Variants in KCNE2 observed in about 807,000 individuals in gnomAD.
KCNE2 encodes potassium voltage-gated channel subfamily E member 2.
KCNE2 carries 4 observed loss-of-function variants against 4.5 expected under a neutral mutation model. The ratio of observed to expected loss-of-function variants is 0.89; its 90% CI spans 0.44 to 2.03. The LOEUF is 2.03. Ranked by LOEUF, KCNE2 falls within the 30% of genes most tolerant of loss-of-function variation. The probability of loss-of-function intolerance (pLI) is 0.03; values close to 1 mark genes in which losing one functional copy is unlikely to be tolerated. For synonymous variants in KCNE2, 57 were observed against 55.9 expected, an observed-to-expected ratio of 1.02 and a Z score of -0.09; for missense variants, 137 against 151.4, an observed-to-expected ratio of 0.90 and a Z score of 0.50.
chr21:34,370,727 C>A lies in KCNE2; in HGVS notation c.249C>A (p.Pro83=). 1.2e-6 allele frequency: 2 copies of A among 1,614,162 alleles called. No homozygotes were observed. The highest frequency in any genetic ancestry group is 1.7e-6 in the Non-Finnish European group (2 of 1,180,020). ...AGAGACGGGAACACTCCAATGACCC[C>A]TACCACCAGTACATTGTAGAGGACT... ...KSKRREHSND[P]YHQYIVEDWQ... is the part of the protein sequence containing the mutation. Residue 83 remains proline (P), a synonymous_variant, in exon 2 of 2, where the codon CCC becomes CCA. Transcript: ENST00000290310.
At chr21:34,367,486 T>C (rs1979359980) in intron 1 of KCNE2, among the ~76,000 whole-genome samples, 2 of 152,174 alleles carry the variant, frequency 1.3e-5, no homozygotes, top group Non-Finnish European at 2.9e-5. Context: ...ATCTTATCTA[T>C]TTGTTAAGTT....
At chr21:34,367,873 T>C (rs1461145184) in intron 1 of KCNE2, among the ~76,000 whole-genome samples, 1 of 152,118 alleles carries the variant, frequency 6.6e-6, no homozygotes, top group East Asian at 1.9e-4. Flanking sequence ...CCTGTGCTCC[T>C]TCTAGCTGTG....
Position 34,370,838 on chromosome 21 carries a change from A to C in KCNE2, c.360A>C (p.Lys120Asn). The C allele has an allele frequency of 6.2e-7, 1 of 1,614,030 alleles. No homozygotes were observed. The highest frequency in any genetic ancestry group is 8.5e-7 in the Non-Finnish European group (1 of 1,180,042). Residue 120 changes from lysine (K) to asparagine (N), a missense_variant, in exon 2 of 2, where the codon AAA becomes AAC. Lys to Asn is a moderately conservative substitution (Grantham distance 94). Coordinates refer to ENST00000290310, the MANE Select transcript of KCNE2 (RefSeq NM_172201.2). ...IHENIGAAGF[K>N]MSP ...AGAACATTGGTGCGGCTGGGTTCAA[A>C]ATGTCCCCCTGATAAGGGAGAAAGG...
At chr21:34,367,514 C>G (rs1427158558) in intron 1 of KCNE2, among the ~76,000 whole-genome samples, 1 of 152,110 alleles carries the variant, frequency 6.6e-6, no homozygotes, top group Non-Finnish European at 1.5e-5. Context: ...AACCCACTAG[C>G]CTGTGTGGCC....
chr21:34,370,209 T>C (rs1051472996), intron 1 of KCNE2, among the ~76,000 whole-genome samples: 1 of 152,228 alleles, frequency 6.6e-6, no homozygotes, highest in Non-Finnish European at 1.5e-5. Context: ...CATGCATATA[T>C]AAATATCAAA....
At chr21:34,364,611 A>T (rs976161514) in intron 1 of KCNE2, among the ~76,000 whole-genome samples, 4 of 152,066 alleles carry the variant, frequency 2.6e-5, no homozygotes, top group African/African-American at 4.8e-5. Context: ...CTCTACTAAA[A>T]ATACAAAAAA....
chr21:34,371,034 T>C lies in KCNE2; in HGVS notation c.*184T>C, dbSNP rs1317776043. On this transcript the variant is annotated 3_prime_UTR_variant, in exon 2 of 2. Transcript: ENST00000290310. ...ATGACATTTCAATCTCAGTGATTTATGCTTGCTTGTTGGAGCAATATTTTG... is the reference window on the plus strand; with the variant it reads ...ATGACATTTCAATCTCAGTGATTTACGCTTGCTTGTTGGAGCAATATTTTG... 1.4e-6 allele frequency: 1 copy of C among 739,218 alleles called. No homozygotes were observed. Among genetic ancestry groups the C allele is most frequent in the African/African-American group, 1.8e-5 (1 of 56,534 alleles). 45.8% of individuals were successfully genotyped at this position (739,218 alleles called of 1,614,324 possible).
chr21:34,364,521 G>A (rs987379603), intron 1 of KCNE2, among the ~76,000 whole-genome samples: 1 of 152,176 alleles, frequency 6.6e-6, no homozygotes, highest in African/African-American at 2.4e-5. Context: ...TGTAATCCCA[G>A]CACTTTGAGA....
At position 34,370,832 on chromosome 21, in the gene KCNE2, G is replaced by C. The variant is rs187917779; in HGVS notation, c.354G>C (p.Gly118=). The C allele has an allele frequency of 6.2e-7, 1 of 1,613,916 alleles. No individual in the cohort carries two copies. Reference sequence around the variant, plus strand: ...TCCATGAGAACATTGGTGCGGCTGGGTTCAAAATGTCCCCCTGATAAGGGA... The same window carrying C: ...TCCATGAGAACATTGGTGCGGCTGGCTTCAAAATGTCCCCCTGATAAGGGA... ...ATIHENIGAA[G]FKMSP Residue 118 remains glycine (G), a synonymous_variant, in exon 2 of 2, where the codon GGG becomes GGC. Coordinates refer to ENST00000290310, the MANE Select transcript of KCNE2 (RefSeq NM_172201.2).
chr21:34,368,229 A>ACT lies in KCNE2; in HGVS notation c.-12-2238_-12-2237insCT, dbSNP rs781775671. On this transcript the variant is annotated intron_variant, in intron 1 of 1. Coordinates refer to ENST00000290310, the MANE Select transcript of KCNE2 (RefSeq NM_172201.2). ...CACACACACACACACACACACACAC[A>ACT]ATATATATATATATATATATATATA... 2.7e-3 allele frequency among the ~76,000 whole-genome samples: 228 copies of ACT among 84,784 alleles called. 2 individuals carry two copies. Among genetic ancestry groups the ACT allele is most frequent in the Non-Finnish European group, 2.4e-3 (117 of 49,430 alleles). 55.6% of individuals were successfully genotyped at this position (84,784 alleles called of 152,430 possible).
intron 1 of KCNE2, among the ~76,000 whole-genome samples, chr21:34,369,361 C>G (rs1015751529): frequency 6.6e-6 from 1 of 151,942 alleles, no homozygotes; most frequent in Non-Finnish European, 1.5e-5. Flanking sequence ...ACCAGCCTGG[C>G]CAATGTGTTG....
chr21:34,367,664 C>A (rs1227026914), intron 1 of KCNE2, among the ~76,000 whole-genome samples: 1 of 152,116 alleles, frequency 6.6e-6, no homozygotes, highest in Admixed American at 6.5e-5. Flanking sequence ...AGAATGCCTG[C>A]AAGTTTATTT....
chr21:34,370,345 C>T, intron 1 of KCNE2, 122 bp from the exon 2 acceptor site: 2 of 1,154,610 alleles, frequency 1.7e-6, no homozygotes, highest in Non-Finnish European at 2.5e-6. Context: ...AAATCACCAG[C>T]CAGGTTAAGA....
In KCNE2 at chr21:34,370,522, T is replaced by C. The variant is rs374431902; in HGVS notation, c.44T>C (p.Phe15Ser). The change falls in exon 2 of 2, where the codon TTC (phenylalanine) becomes TCC (serine). Residue 15 changes from phenylalanine to serine, a missense_variant. Coordinates refer to ENST00000290310, the MANE Select transcript of KCNE2 (RefSeq NM_172201.2). ...SNFTQTLEDV[F>S]RRIFITYMDN... ...TTCACACAGACGCTGGAAGACGTCT[T>C]CCGAAGGATTTTTATTACTTATATG... 4 of 1,614,078 alleles carry C rather than the reference T, an allele frequency of 2.5e-6. No homozygotes were observed. The African/African-American group carries it at 4.0e-5, about 16-fold the overall frequency.
At chr21:34,368,674 CAG>C (rs1315294361) in intron 1 of KCNE2, among the ~76,000 whole-genome samples, 6 of 152,134 alleles carry the variant, frequency 3.9e-5, no homozygotes, top group Non-Finnish European at 8.8e-5. Context: ...TCTCTAAAAA[CAG>C]AGATGTATAA....
chr21:34,368,640 A>G (rs1979449230), intron 1 of KCNE2, among the ~76,000 whole-genome samples: 1 of 152,136 alleles, frequency 6.6e-6, no homozygotes, highest in African/African-American at 2.4e-5. Flanking sequence ...GTTTGCCTTG[A>G]TGTTATGTCT....
intron 1 of KCNE2, among the ~76,000 whole-genome samples, chr21:34,368,225 ACACAATATATATATATAT>A (rs1979399625): frequency 2.9e-5 from 2 of 68,506 alleles, no homozygotes; most frequent in Admixed American, 4.0e-4. Flanking sequence ...ACACACACAC[ACACAATATATATATATAT>A]ATATATATAT....
chr21:34,368,224 CACACAA>C (rs1369951959), intron 1 of KCNE2, among the ~76,000 whole-genome samples: 2 of 74,084 alleles, frequency 2.7e-5, no homozygotes, highest in Admixed American at 1.9e-4. Flanking sequence ...CACACACACA[CACACAA>C]TATATATATA....
At position 34,370,835 on chromosome 21, in the gene KCNE2, C is replaced by A. The variant is rs139202426; in HGVS notation, c.357C>A (p.Phe119Leu). The change falls in exon 2 of 2, where the codon TTC becomes TTA. Residue 119 changes from phenylalanine to leucine, a missense_variant. Coordinates refer to ENST00000290310, the MANE Select transcript of KCNE2 (RefSeq NM_172201.2). ...TIHENIGAAGFKMSP is the reference protein window; with the variant it reads ...TIHENIGAAGLKMSP ...ATGAGAACATTGGTGCGGCTGGGTT[C>A]AAAATGTCCCCCTGATAAGGGAGAA... The A allele has an allele frequency of 5.6e-6, 9 of 1,613,890 alleles. No individual in the cohort carries two copies. Among genetic ancestry groups the A allele is most frequent in the Admixed American group, 1.7e-5 (1 of 60,000 alleles).
Sources: allele counts gnomAD v4.1 joint callset (sites outside exome capture counted in the v4.1 genomes callset), GRCh38; gene constraint gnomAD v4.1.1; transcripts MANE v1.5; gene names NCBI Gene and HGNC (gene_info 2026-07-23, HGNC 2026-07-21).